Variants in C2orf42 observed in about 807,000 individuals in gnomAD.
The protein encoded by C2orf42 is uncharacterized protein C2orf42.
A neutral mutation model predicts 58.9 loss-of-function variants in C2orf42; 44 were observed. The observed-to-expected ratio is 0.75, with a 90% CI of 0.59 to 0.96. The LOEUF is 0.96. C2orf42 is among the 40% of genes least tolerant of loss of function. The pLI, the probability that C2orf42 is intolerant of heterozygous loss-of-function variation, is 0.00. For missense variants in C2orf42, 630 were observed against 699.2 expected, an observed-to-expected ratio of 0.90 and a Z score of 1.12; for synonymous variants, 239 against 265.4, an observed-to-expected ratio of 0.90 and a Z score of 0.97.
chr2:70,157,405 A>G (rs998003963), intron 9 of C2orf42, among the ~76,000 whole-genome samples: 9 of 152,064 alleles, frequency 5.9e-5, no homozygotes, highest in African/African-American at 2.2e-4. Context: ...CAGTGAGCCG[A>G]GATCGCACCA....
At chr2:70,169,955 C>T (rs954583537) in intron 5 of C2orf42, among the ~76,000 whole-genome samples, 2 of 151,950 alleles carry the variant, frequency 1.3e-5, no homozygotes, top group South Asian at 4.2e-4. Flanking sequence ...GATGGGGTTT[C>T]ATCATGTTGG....
intron 5 of C2orf42, among the ~76,000 whole-genome samples, chr2:70,172,081 A>G (rs1673858154): frequency 6.6e-6 from 1 of 151,770 alleles, no homozygotes; most frequent in Non-Finnish European, 1.5e-5. Flanking sequence ...AAAATTAGCC[A>G]GGCGTAGTGG....
rs551625528 is a variant in C2orf42 at position 70,154,072 on chromosome 2, C to CAA, written c.1517-3510_1517-3509dup. ...TGTCTCAAAAAAACAAACAAACAAA[C>CAA]AAAAAAAAAAACACAGAAATTTCAG... On this transcript the variant is annotated intron_variant, in intron 9 of 9. Transcript: ENST00000264434. Among the ~76,000 whole-genome samples, 299 of 140,082 alleles carry CAA rather than the reference C, an allele frequency of 2.1e-3. 4 individuals are homozygous for CAA. Among genetic ancestry groups the CAA allele is most frequent in the East Asian group, 6.4e-3 (31 of 4,820 alleles). 91.9% of individuals were successfully genotyped at this position (140,082 alleles called of 152,430 possible).
At chr2:70,178,388 C>T (rs1408482283) in intron 4 of C2orf42, among the ~76,000 whole-genome samples, 1 of 152,110 alleles carries the variant, frequency 6.6e-6, no homozygotes, top group Non-Finnish European at 1.5e-5. Context: ...GGGTGGATCA[C>T]CTGAGGTCAG....
chr2:70,165,263 A>AG, intron 7 of C2orf42, 71 bp from the exon 8 acceptor site: 2 of 866,222 alleles, frequency 2.3e-6, no homozygotes, highest in Non-Finnish European at 3.8e-6. Flanking sequence ...TTTGTTACCT[A>AG]GTTTCTAATA....
intron 9 of C2orf42, among the ~76,000 whole-genome samples, chr2:70,155,880 G>A (rs1672638192): frequency 6.6e-6 from 1 of 152,000 alleles, no homozygotes; most frequent in African/African-American, 2.4e-5. Context: ...CACTGGCCGA[G>A]TGCAGTGGCT....
At chr2:70,168,105 G>A (rs1014092877) in intron 6 of C2orf42, among the ~76,000 whole-genome samples, 1 of 150,946 alleles carries the variant, frequency 6.6e-6, no homozygotes, top group African/African-American at 2.4e-5. Flanking sequence ...ATGGTGGTGC[G>A]TGCCTGTAAT....
At chr2:70,160,442 C>T (rs1174925973) in intron 9 of C2orf42, among the ~76,000 whole-genome samples, 183 bp downstream of exon 9, 1 of 152,120 alleles carries the variant, frequency 6.6e-6, no homozygotes, top group South Asian at 2.1e-4. Flanking sequence ...AGCACCTGGC[C>T]TGTAATTTTA....
intron 8 of C2orf42, among the ~76,000 whole-genome samples, chr2:70,161,058 C>T (rs1456255365): frequency 6.6e-6 from 1 of 152,154 alleles, no homozygotes; most frequent in African/African-American, 2.4e-5. Context: ...TTCATGGGTA[C>T]ATGACTGCTG....
Position 70,181,452 on chromosome 2 carries a change from A to G in C2orf42, c.534T>C (p.Gly178=). 2 of 1,613,824 alleles carry G rather than the reference A, an allele frequency of 1.2e-6. No homozygotes were observed. The highest frequency in any genetic ancestry group is 2.2e-5 in the South Asian group (2 of 91,054). Residue 178 remains glycine (G), a synonymous_variant, in exon 3 of 10, where the codon GGT becomes GGC. Coordinates refer to ENST00000264434, the MANE Select transcript of C2orf42 (RefSeq NM_017880.3). ...TTTTAGTAATTCTCTGCACCAGAGG[A>G]CCTGTGGGTTCCGTGGCCAACTGCC... ...TIWQLATEPT[G]PLVQRITKNI...
intron 1 of C2orf42, among the ~76,000 whole-genome samples, chr2:70,185,712 C>CAA (rs985102128): frequency 1.4e-5 from 2 of 146,608 alleles, no homozygotes; most frequent in Admixed American, 6.9e-5. Flanking sequence ...GACTTTGTCA[C>CAA]AAAAAAAAAT....
Position 70,175,643 on chromosome 2 carries a change from T to C in C2orf42, c.1039+30A>G, listed in dbSNP as rs759684699. On this transcript the variant is annotated intron_variant, in intron 5 of 9. Transcript: ENST00000264434. ...CTTCTTTAGGATGACTTTCCACCAC[T>C]GTAGCCTATTCTAGGGAAGGGAAAC... 13 of 1,283,862 alleles carry C rather than the reference T, an allele frequency of 1.0e-5. No homozygotes were observed. In the South Asian group the frequency reaches 1.5e-4, roughly 15 times the overall value. The allele number at this position is 1,283,862 out of a possible 1,614,324, so 79.5% of individuals were successfully genotyped here. A position where few individuals can be genotyped will look rare whatever the true frequency, so the allele number is the denominator to read the frequency against.
intron 4 of C2orf42, among the ~76,000 whole-genome samples, chr2:70,176,862 C>A (rs1009560721): frequency 2.0e-5 from 3 of 152,066 alleles, no homozygotes; most frequent in Non-Finnish European, 4.4e-5. Flanking sequence ...TTTAACTATC[C>A]CCAGTGGTTA....
chr2:70,151,058 CAT>C (rs1672280077), intron 9 of C2orf42, among the ~76,000 whole-genome samples: 1 of 152,112 alleles, frequency 6.6e-6, no homozygotes, highest in Non-Finnish European at 1.5e-5. Flanking sequence ...GAAGTTAAAA[CAT>C]ATATATTTAG....
chr2:70,154,618 A>T (rs913651373), intron 9 of C2orf42, among the ~76,000 whole-genome samples: 19 of 152,102 alleles, frequency 1.2e-4, no homozygotes, highest in African/African-American at 4.3e-4. Flanking sequence ...AAGAAGAACA[A>T]ATAAGTGTTT....
rs59381817 is a variant in C2orf42 at position 70,180,607 on chromosome 2, CAAAAAAAAA to C, written c.823+547_823+555del. ...TTTGTGATGGAGCAAGATTCTGTCT[CAAAAAAAAA>C]AAAAAAAAAAAAAAATCAAGAGATT... is the stretch of plus-strand genomic sequence containing the variant. On this transcript the variant is annotated intron_variant, in intron 3 of 9. Transcript: ENST00000264434. 1.8e-4 allele frequency among the ~76,000 whole-genome samples: 10 copies of C among 57,066 alleles called. No homozygotes were observed. The Admixed American group carries it at 2.1e-3, about 12-fold the overall frequency. 37.4% of individuals were successfully genotyped at this position (57,066 alleles called of 152,430 possible).
intron 1 of C2orf42, among the ~76,000 whole-genome samples, chr2:70,183,828 C>A (rs1674745962): frequency 6.7e-6 from 1 of 150,078 alleles, no homozygotes; most frequent in Non-Finnish European, 1.5e-5. Flanking sequence ...GTGCTTTATG[C>A]ATTTTTCTGC....
chr2:70,155,255 T>G (rs905930623), intron 9 of C2orf42, among the ~76,000 whole-genome samples: 29 of 151,110 alleles, frequency 1.9e-4, no homozygotes, highest in African/African-American at 6.6e-4. Flanking sequence ...AAATAAAAAA[T>G]AAAAAGAAGG....
intron 6 of C2orf42, among the ~76,000 whole-genome samples, chr2:70,168,567 C>A (rs535297074): frequency 6.6e-6 from 1 of 150,910 alleles, no homozygotes; most frequent in Admixed American, 6.6e-5. Flanking sequence ...GGATTACAGG[C>A]ATGAGCCACC....
Sources: gnomAD v4.1 joint callset for allele counts (sites outside exome capture counted in the v4.1 genomes callset) on GRCh38, gnomAD v4.1.1 for gene constraint, MANE v1.5 for transcripts, NCBI Gene and HGNC (gene_info 2026-07-23, HGNC 2026-07-21) for gene names.